RPAP2: variants seen among roughly 807,000 people sequenced by gnomAD.
The protein encoded by RPAP2 is putative RNA polymerase II subunit B1 CTD phosphatase RPAP2.
RPAP2 carries 52 observed loss-of-function variants against 73.1 expected under a neutral mutation model. The observed-to-expected ratio is 0.71, with a 90% CI of 0.57 to 0.90. The LOEUF is 0.90. Among genes scored for constraint, RPAP2 ranks in the 40% least tolerant of loss-of-function variants. The pLI is 0.00. For missense variants in RPAP2, 598 were observed against 701.8 expected (o/e 0.85, Z 1.67); for synonymous variants, 225 against 242.1 (o/e 0.93, Z 0.65).
chr1:92,366,462 T>G (rs543867741), intron 11 of RPAP2, among the ~76,000 whole-genome samples: 1 of 152,278 alleles, frequency 6.6e-6, no homozygotes, highest in South Asian at 2.1e-4. Flanking sequence ...TCCATGTTAT[T>G]TTATGGAAAA....
At chr1:92,366,363 A>C (rs1654935051) in intron 11 of RPAP2, among the ~76,000 whole-genome samples, 1 of 152,182 alleles carries the variant, frequency 6.6e-6, no homozygotes, top group South Asian at 2.1e-4. Flanking sequence ...TTTCCTTATC[A>C]ATTATAAAAC....
At chr1:92,363,373 C>T (rs1654806945) in intron 11 of RPAP2, among the ~76,000 whole-genome samples, 1 of 152,148 alleles carries the variant, frequency 6.6e-6, no homozygotes, top group Non-Finnish European at 1.5e-5. Flanking sequence ...GTGATCATGG[C>T]ACAGGCAGAT....
At chr1:92,360,086 C>T (rs1292176168) in intron 11 of RPAP2, among the ~76,000 whole-genome samples, 3 of 152,232 alleles carry the variant, frequency 2.0e-5, no homozygotes, top group Non-Finnish European at 2.9e-5. Flanking sequence ...AAGATTCAGA[C>T]TCAGACCCTA....
At chr1:92,357,094 TACACACAC>T (rs34488806) in intron 11 of RPAP2, among the ~76,000 whole-genome samples, 159 of 144,844 alleles carry the variant, frequency 1.1e-3, no homozygotes, top group African/African-American at 3.7e-3. Context: ...AAGGATTACA[TACACACAC>T]ACACACACAC....
intron 11 of RPAP2, among the ~76,000 whole-genome samples, chr1:92,354,890 AATTATTATT>A (rs58610684): frequency 9.5e-5 from 14 of 147,684 alleles, no homozygotes; most frequent in South Asian, 6.4e-4. Flanking sequence ...AATTTATGTA[AATTATTATT>A]ATTATTATTA....
rs2101465118 is a variant in RPAP2 at position 92,389,492 on chromosome 1, A to C, written c.*2481A>C. 1 of 152,318 alleles carries C rather than the reference A, an allele frequency of 6.6e-6. No homozygotes were observed. Among genetic ancestry groups the C allele is most frequent in the South Asian group, 2.1e-4 (1 of 4,826 alleles). 9.4% of individuals were successfully genotyped at this position (152,318 alleles called of 1,614,324 possible). ...AAACCAGAATGCCTCTTCTCCTCCA[A>C]AGGAACACAACTCCTTGCCAGCAAG... is the stretch of plus-strand genomic sequence containing the variant. On this transcript the variant is annotated 3_prime_UTR_variant, in exon 13 of 13. Transcript: ENST00000610020.
chr1:92,310,480 C>G (rs1010588116), intron 6 of RPAP2, among the ~76,000 whole-genome samples: 1 of 152,072 alleles, frequency 6.6e-6, no homozygotes, highest in South Asian at 2.1e-4. Context: ...GAAAAAATTG[C>G]TTCTTTTAAA....
At position 92,391,771 on chromosome 1, in the gene RPAP2, T is replaced by C. The variant is rs1445457104; in HGVS notation, c.*4760T>C. On this transcript the variant is annotated 3_prime_UTR_variant, in exon 13 of 13. Transcript: ENST00000610020. ...TATAAACACCTCTACACAAATAAACTAGAAAATCTAGAAGAAATGGATAAA... is the reference window on the plus strand; with the variant it reads ...TATAAACACCTCTACACAAATAAACCAGAAAATCTAGAAGAAATGGATAAA... 4.6e-5 allele frequency: 7 copies of C among 152,078 alleles called. No homozygotes were observed. Among genetic ancestry groups the C allele is most frequent in the Admixed American group, 2.0e-4 (3 of 15,260 alleles). The allele number at this position is 152,078 out of a possible 1,614,324, so 9.4% of individuals were successfully genotyped here.
chr1:92,363,660 C>CACTT, intron 11 of RPAP2: 1 of 280,250 alleles, frequency 3.6e-6, no homozygotes, highest in Non-Finnish European at 7.0e-6. Context: ...ACCTCTGCCA[C>CACTT]ACTTAAGATA....
intron 11 of RPAP2, among the ~76,000 whole-genome samples, chr1:92,365,993 T>C (rs927721305): frequency 6.6e-6 from 1 of 152,152 alleles, no homozygotes; most frequent in Non-Finnish European, 1.5e-5. Context: ...AAAAAAAATT[T>C]AACAAACTTG....
chr1:92,336,337 A>G lies in RPAP2; in HGVS notation c.1539-10A>G, dbSNP rs990356798. 6.3e-7 allele frequency: 1 copy of G among 1,593,206 alleles called. No individual in the cohort carries two copies. The highest frequency in any genetic ancestry group is 1.3e-5 in the African/African-American group (1 of 74,136). ...TTGTTTTAAAATAAATGTAATTTTT[A>G]AATTTTCAGGTTGCCTGGGCTTCTG... On this transcript the variant is annotated splice_polypyrimidine_tract_variant and intron_variant, in intron 9 of 12. Transcript: ENST00000610020.
intron 11 of RPAP2, among the ~76,000 whole-genome samples, chr1:92,370,371 A>C (rs1457789939): frequency 6.6e-6 from 1 of 152,226 alleles, no homozygotes; most frequent in African/African-American, 2.4e-5. Flanking sequence ...GTCAGATGGC[A>C]TCTATAAGGA....
In RPAP2 at chr1:92,336,397, CACA is replaced by C; in HGVS notation, c.1592_1594del (p.Gln531del). 6.2e-7 allele frequency: 1 copy of C among 1,609,754 alleles called. No homozygotes were observed. The highest frequency in any genetic ancestry group is 8.5e-7 in the Non-Finnish European group (1 of 1,176,864). On this transcript the variant is annotated inframe_deletion, in exon 10 of 13. Transcript: ENST00000610020. ...CAGATTACATTGGGAGATATTTACA[CACA>C]ACTTAAAAATCTTGTTCGAACTTTC...
intron 11 of RPAP2, among the ~76,000 whole-genome samples, chr1:92,356,710 C>T (rs1384994273): frequency 6.7e-6 from 1 of 149,234 alleles, no homozygotes; most frequent in Non-Finnish European, 1.5e-5. Context: ...GCTGGGATTA[C>T]AGGCATGAGC....
intron 10 of RPAP2, among the ~76,000 whole-genome samples, chr1:92,342,107 G>T (rs1177202876): frequency 2.0e-5 from 3 of 152,190 alleles, no homozygotes; most frequent in Non-Finnish European, 2.9e-5. Context: ...CTAATAGAGG[G>T]AGTACAAAAA....
At chr1:92,302,662 C>T (rs968484202) in intron 3 of RPAP2, among the ~76,000 whole-genome samples, 5 of 117,400 alleles carry the variant, frequency 4.3e-5, no homozygotes, top group Admixed American at 2.5e-4. Flanking sequence ...AGTGCAGTGG[C>T]GGGATCTCTG....
chr1:92,361,017 T>C (rs1022382467), intron 11 of RPAP2, among the ~76,000 whole-genome samples: 2 of 151,694 alleles, frequency 1.3e-5, no homozygotes, highest in Non-Finnish European at 2.9e-5. Flanking sequence ...CCTTCTCACC[T>C]TCCATGACCC....
At chr1:92,346,031 T>G in intron 11 of RPAP2, 117 bp downstream of exon 11, 1 of 620,188 alleles carries the variant, frequency 1.6e-6, no homozygotes, top group Admixed American at 2.9e-5. Flanking sequence ...TACCTCTATT[T>G]TGTGCCTTAT....
At chr1:92,380,564 T>G (rs1390219448) in intron 11 of RPAP2, among the ~76,000 whole-genome samples, 160 bp from the exon 12 acceptor site, 4 of 152,276 alleles carry the variant, frequency 2.6e-5, no homozygotes, top group African/African-American at 9.6e-5. Context: ...TTCCTGAGAC[T>G]TCTCTTCTGC....
Sources: allele counts gnomAD v4.1 joint callset (sites outside exome capture counted in the v4.1 genomes callset), GRCh38; gene constraint gnomAD v4.1.1; transcripts MANE v1.5; gene names NCBI Gene and HGNC (gene_info 2026-07-23, HGNC 2026-07-21).